Variants in CHSY3 observed in about 807,000 individuals in gnomAD.
CHSY3 encodes the protein chondroitin sulfate synthase 3.
CHSY3 carries 35 observed loss-of-function variants against 67.2 expected under a neutral mutation model. The observed-to-expected ratio is 0.52, with a 90% CI of 0.40 to 0.69. The LOEUF (loss-of-function observed/expected upper bound fraction) is 0.69, where lower values mean the gene tolerates loss of function less well. Ranked by LOEUF, CHSY3 falls within the 30% of genes least tolerant of loss-of-function variation. CHSY3 has a pLI of 0.00. For missense variants in CHSY3, 1,069 were observed against 1,138.5 expected (o/e 0.94, Z 0.88); for synonymous variants, 474 against 434.7 (o/e 1.09, Z -1.12).
chr5:130,034,583 A>G (rs999047429), intron 2 of CHSY3, among the ~76,000 whole-genome samples: 1 of 152,180 alleles, frequency 6.6e-6, no homozygotes, highest in Non-Finnish European at 1.5e-5. Flanking sequence ...ATGGTGAACA[A>G]AACAGTCAAA....
chr5:130,168,236 C>G (rs1246815454), intron 2 of CHSY3, among the ~76,000 whole-genome samples: 2 of 152,102 alleles, frequency 1.3e-5, no homozygotes, highest in Non-Finnish European at 2.9e-5. Context: ...TTACTGTGGT[C>G]TCTCAGCAGC....
At chr5:130,060,458 C>T (rs1242454823) in intron 2 of CHSY3, among the ~76,000 whole-genome samples, 1 of 152,094 alleles carries the variant, frequency 6.6e-6, no homozygotes, top group Non-Finnish European at 1.5e-5. Flanking sequence ...AGTTATCATA[C>T]TGCATGGGGA....
rs1767556544 is a variant in CHSY3 at position 130,110,456 on chromosome 5, A to T, written c.1087-73773A>T. 2.0e-5 allele frequency among the ~76,000 whole-genome samples: 3 copies of T among 152,014 alleles called. 1 individual carries two copies. The highest frequency in any genetic ancestry group is 2.0e-4 in the Admixed American group (3 of 15,216). On this transcript the variant is annotated intron_variant, in intron 2 of 2. Transcript: ENST00000305031. ...GTTGTTTCTTTAGTATTTGTAATTC[A>T]TAAGAAATGTGTTCTGACATTTCTC...
rs563511555 is a variant in CHSY3, at chr5:129,974,561, A to G, written c.1086+66201A>G. ...GAAAAAAAAGAAAAAGCCCCTATGT[A>G]CTTATAGTTCCTCAAGGCTGTCAAG... On this transcript the variant is annotated intron_variant, in intron 2 of 2. Coordinates refer to ENST00000305031, the MANE Select transcript of CHSY3 (RefSeq NM_175856.5). 2.6e-5 allele frequency among the ~76,000 whole-genome samples: 4 copies of G among 152,228 alleles called. No homozygotes were observed. In the East Asian group the frequency reaches 7.8e-4, roughly 30 times the overall value.
chr5:129,955,513 G>T (rs2149603924), intron 2 of CHSY3, among the ~76,000 whole-genome samples: 1 of 147,458 alleles, frequency 6.8e-6, no homozygotes, highest in African/African-American at 2.5e-5. Flanking sequence ...TATATCTTAA[G>T]ATATATGTAT....
intron 2 of CHSY3, among the ~76,000 whole-genome samples, chr5:130,050,414 A>G (rs1318960833): frequency 6.6e-6 from 1 of 152,134 alleles, no homozygotes; most frequent in African/African-American, 2.4e-5. Flanking sequence ...AAAGAGTGCT[A>G]TGTCTACACA....
chr5:130,038,658 A>G (rs543538313), intron 2 of CHSY3, among the ~76,000 whole-genome samples: 2 of 152,164 alleles, frequency 1.3e-5, no homozygotes, highest in South Asian at 4.1e-4. Flanking sequence ...TTGTTTGTCT[A>G]TTTCAGTCTT....
At chr5:130,105,997 G>T (rs1176954658) in intron 2 of CHSY3, among the ~76,000 whole-genome samples, 3 of 151,400 alleles carry the variant, frequency 2.0e-5, no homozygotes, top group African/African-American at 7.3e-5. Flanking sequence ...CAGGGTTTTG[G>T]TTTTTGTTTC....
At chr5:129,921,041 A>G (rs751427730) in intron 2 of CHSY3, among the ~76,000 whole-genome samples, 55 of 152,082 alleles carry the variant, frequency 3.6e-4, no homozygotes, top group Non-Finnish European at 7.1e-4. Flanking sequence ...GCTGATCTCC[A>G]ACTCCTGAGC....
intron 2 of CHSY3, among the ~76,000 whole-genome samples, chr5:130,113,654 T>C (rs916097667): frequency 5.9e-5 from 9 of 152,148 alleles, no homozygotes; most frequent in African/African-American, 2.2e-4. Context: ...AGTCTCTCCA[T>C]TTGCAATCTT....
Position 130,184,896 on chromosome 5 carries a change from A to G in CHSY3, c.1754A>G (p.Glu585Gly), listed in dbSNP as rs750692856. The G allele has an allele frequency of 5.2e-6, 8 of 1,553,204 alleles. No homozygotes were observed. The highest frequency in any genetic ancestry group is 1.4e-5 in the African/African-American group (1 of 73,600). The change falls in exon 3 of 3, where the codon GAG (glutamate) becomes GGG (glycine). Residue 585 changes from glutamate to glycine, a missense_variant. Glu to Gly is a moderately conservative substitution (Grantham distance 98, BLOSUM62 -2). Transcript: ENST00000305031. ...TEELDVNSLV[E>G]SINSETQSFS... ...GAGCTAGATGTCAACAGTCTTGTGG[A>G]GAGTATTAACAGTGAAACTCAGTCA...
intron 2 of CHSY3, among the ~76,000 whole-genome samples, chr5:130,157,020 G>A (rs1223284691): frequency 6.6e-6 from 1 of 152,144 alleles, no homozygotes; most frequent in African/African-American, 2.4e-5. Context: ...GTGAGGCTTT[G>A]ATTCAAACAC....
At chr5:130,125,845 T>G (rs1234127691) in intron 2 of CHSY3, among the ~76,000 whole-genome samples, 1 of 152,212 alleles carries the variant, frequency 6.6e-6, no homozygotes, top group Non-Finnish European at 1.5e-5. Context: ...TTGTATTTTA[T>G]GACTCCATCT....
Position 130,080,370 on chromosome 5 carries a change from G to C in CHSY3, c.1087-103859G>C, listed in dbSNP as rs1399748285. ...TTCTATCTGCATTGATTGTAGCATT[G>C]GTTTATAGCTGAGAACTGATTGCTG... On this transcript the variant is annotated intron_variant, in intron 2 of 2. Transcript: ENST00000305031. 2.0e-5 allele frequency among the ~76,000 whole-genome samples: 3 copies of C among 152,068 alleles called. No individual in the cohort carries two copies. The South Asian group carries it at 6.2e-4, about 32-fold the overall frequency.
rs765623093 is a variant in CHSY3 at position 129,908,256 on chromosome 5, C to A, written c.982C>A (p.His328Asn). ...SREVLRRMVPHIGECLREMYT... is the reference protein window; with the variant it reads ...SREVLRRMVPNIGECLREMYT... ...AGAAGTTCTCAGGAGGATGGTGCCACATATTGGTGAATGCCTTAGAGAAAT... is the reference window on the plus strand; with the variant it reads ...AGAAGTTCTCAGGAGGATGGTGCCAAATATTGGTGAATGCCTTAGAGAAAT... The change falls in exon 2 of 3, where the codon CAT (histidine) becomes AAT (asparagine). Residue 328 changes from histidine to asparagine, a missense_variant. Physicochemically the swap from His to Asn is moderately conservative, Grantham distance 68. This residue lies in a region of CHSY3 where 216 missense variants were observed against 311.5 expected (regional missense o/e 0.69). Transcript: ENST00000305031. 1 of 1,614,098 alleles carries A rather than the reference C, an allele frequency of 6.2e-7. No individual in the cohort carries two copies. The highest frequency in any genetic ancestry group is 1.3e-5 in the African/African-American group (1 of 74,994).
intron 2 of CHSY3, among the ~76,000 whole-genome samples, chr5:130,092,369 G>C (rs559694419): frequency 6.6e-6 from 1 of 152,144 alleles, no homozygotes; most frequent in Non-Finnish European, 1.5e-5. Context: ...AGCTAGACCT[G>C]CATAAGTGGG....
At chr5:130,086,980 CAAA>C (rs1766657829) in intron 2 of CHSY3, among the ~76,000 whole-genome samples, 1 of 152,112 alleles carries the variant, frequency 6.6e-6, no homozygotes, top group Non-Finnish European at 1.5e-5. Flanking sequence ...AAAATACTGG[CAAA>C]CCGAATCCAG....
At chr5:129,988,316 A>T (rs750468577) in intron 2 of CHSY3, among the ~76,000 whole-genome samples, 1 of 152,216 alleles carries the variant, frequency 6.6e-6, no homozygotes, top group Admixed American at 6.5e-5. Context: ...GATAAAAGGC[A>T]TAGCTCATTC....
intron 2 of CHSY3, among the ~76,000 whole-genome samples, chr5:129,961,072 A>G (rs754103646): frequency 5.9e-5 from 9 of 152,108 alleles, no homozygotes; most frequent in Non-Finnish European, 1.3e-4. Context: ...GCTTTTCACC[A>G]TAAATGGTAC....
Sources: gnomAD v4.1 joint callset for allele counts (sites outside exome capture counted in the v4.1 genomes callset) on GRCh38, gnomAD v4.1.1 for gene constraint, gnomAD v4.1.1 regional missense constraint, MANE v1.5 for transcripts, NCBI Gene and HGNC (gene_info 2026-07-23, HGNC 2026-07-21) for gene names.